The following SYN3 variants were observed in gnomAD, a reference collection of about 807,000 sequenced individuals.
SYN3 encodes the protein synapsin III, also known as synapsin-3.
SYN3 carries 35 observed loss-of-function variants against 65.8 expected under a neutral mutation model. The observed-to-expected ratio is 0.53, with a 90% CI of 0.41 to 0.70. The LOEUF (loss-of-function observed/expected upper bound fraction) is 0.70, where lower values mean the gene tolerates loss of function less well. SYN3 is among the 30% of genes least tolerant of loss of function. SYN3 has a pLI of 0.00. For missense variants in SYN3, 680 were observed against 749.0 expected, an observed-to-expected ratio of 0.91 and a Z score of 1.08; for synonymous variants, 270 against 292.9, an observed-to-expected ratio of 0.92 and a Z score of 0.80.
intron 1 of SYN3, among the ~76,000 whole-genome samples, chr22:33,037,767 T>C (rs1344983713): frequency 1.3e-5 from 2 of 152,146 alleles, no homozygotes; most frequent in Non-Finnish European, 1.5e-5. Flanking sequence ...TCTCCCCACA[T>C]TCCCACAGTG....
chr22:32,813,250 C>A (rs1191342279), intron 6 of SYN3, among the ~76,000 whole-genome samples: 3 of 152,068 alleles, frequency 2.0e-5, no homozygotes, highest in Non-Finnish European at 4.4e-5. Context: ...ATAAGACAAG[C>A]AATAAAACAG....
chr22:32,530,285 C>G (rs1312615136), intron 10 of SYN3: 1 of 152,250 alleles, frequency 6.6e-6, no homozygotes, highest in African/African-American at 2.4e-5. Flanking sequence ...GTGCTACGCT[C>G]TATTCTAAGC....
chr22:32,954,281 G>C (rs1046720334), intron 3 of SYN3, among the ~76,000 whole-genome samples: 1 of 152,110 alleles, frequency 6.6e-6, no homozygotes, highest in Non-Finnish European at 1.5e-5. Flanking sequence ...GGAGAAAAAG[G>C]GGCCTTTAAG....
rs752568126 is a variant in SYN3, at chr22:32,533,946, C to T, written c.993-51G>A. ...GAAGTGGCCTGGGAAAGTGGGGAAG[C>T]GGGTAGAGGGAGAGAAGTGGATTCA... On this transcript the variant is annotated intron_variant, in intron 9 of 13. Transcript: ENST00000358763. 30 of 1,314,158 alleles carry T rather than the reference C, an allele frequency of 2.3e-5. 1 individual carries two copies. In the Middle Eastern group the frequency reaches 5.5e-4, roughly 24 times the overall value. 81.4% of individuals were successfully genotyped at this position (1,314,158 alleles called of 1,614,324 possible).
chr22:32,930,406 G>A (rs2050595599), intron 4 of SYN3, among the ~76,000 whole-genome samples: 1 of 152,134 alleles, frequency 6.6e-6, no homozygotes, highest in South Asian at 2.1e-4. Context: ...CCTCAGCCAC[G>A]TGGAACTGTG....
intron 1 of SYN3, among the ~76,000 whole-genome samples, chr22:33,044,570 A>G (rs1363569177): frequency 6.6e-6 from 1 of 151,768 alleles, no homozygotes; most frequent in Non-Finnish European, 1.5e-5. Context: ...GCCATTCTCT[A>G]ACCTTATTCC....
chr22:33,022,947 A>C (rs1389087942), intron 1 of SYN3, among the ~76,000 whole-genome samples: 1 of 152,242 alleles, frequency 6.6e-6, no homozygotes, highest in Admixed American at 6.5e-5. Context: ...CAGAATTTAT[A>C]GAGCCCTACA....
intron 7 of SYN3, among the ~76,000 whole-genome samples, chr22:32,581,792 C>CTTTTTTTTTTTTTTTTTTTTTTTTTTTT (rs10716395): frequency 2.4e-5 from 2 of 84,320 alleles, no homozygotes; most frequent in Admixed American, 1.7e-4. Context: ...TTCTTTCTTT[C>CTTTTTTTTTTTTTTTTTTTTTTTTTTTT]TTTTTTTTTT....
chr22:32,939,272 A>G (rs573974279), intron 3 of SYN3, among the ~76,000 whole-genome samples: 3 of 152,226 alleles, frequency 2.0e-5, no homozygotes, highest in African/African-American at 7.2e-5. Flanking sequence ...TACTGCTGAA[A>G]GGTTCTCACA....
chr22:32,914,382 G>A (rs1236589466), intron 4 of SYN3, among the ~76,000 whole-genome samples: 3 of 151,886 alleles, frequency 2.0e-5, no homozygotes, highest in African/African-American at 7.3e-5. Context: ...TGGCTACTCT[G>A]TGACTCAGTT....
intron 6 of SYN3, among the ~76,000 whole-genome samples, chr22:32,807,382 T>C: frequency 9.3e-6 from 1 of 107,532 alleles, no homozygotes; most frequent in East Asian, 2.5e-4. Flanking sequence ...ATATATAATA[T>C]ATATTATATA....
chr22:32,956,720 G>A lies in SYN3; in HGVS notation c.369+23925C>T, dbSNP rs191647466. ...GTTGTTTCCACCTTTTGGCTATTGC[G>A]AACCATGCTGCTGTGAACATGGGTG... is the stretch of plus-strand genomic sequence containing the variant. On this transcript the variant is annotated intron_variant, in intron 3 of 13. Coordinates refer to ENST00000358763, the MANE Select transcript of SYN3 (RefSeq NM_003490.4). 1.9e-3 allele frequency among the ~76,000 whole-genome samples: 282 copies of A among 152,202 alleles called. 3 individuals are homozygous for A. The highest frequency in any genetic ancestry group is 4.3e-3 in the East Asian group (22 of 5,176).
chr22:32,956,819 C>CAGTA (rs766268905), intron 3 of SYN3, among the ~76,000 whole-genome samples: 2 of 152,124 alleles, frequency 1.3e-5, no homozygotes, highest in East Asian at 3.9e-4. Context: ...CTGGATTGTA[C>CAGTA]AGTAATTCTA....
intron 3 of SYN3, among the ~76,000 whole-genome samples, chr22:32,966,249 A>G (rs1261023491): frequency 6.6e-6 from 1 of 152,196 alleles, no homozygotes; most frequent in Admixed American, 6.5e-5. Flanking sequence ...CAGAGGAAGC[A>G]GCACAGACAT....
chr22:32,613,377 C>T (rs1469691530), intron 6 of SYN3, among the ~76,000 whole-genome samples: 1 of 152,128 alleles, frequency 6.6e-6, no homozygotes, highest in Non-Finnish European at 1.5e-5. Flanking sequence ...AGCCCTCCCT[C>T]CTCCTTGCAA....
intron 9 of SYN3, 142 bp downstream of exon 9, chr22:32,537,894 A>G (rs1002831104): frequency 1.1e-5 from 7 of 654,926 alleles, no homozygotes; most frequent in Admixed American, 2.5e-5. Flanking sequence ...AGTGAAGATG[A>G]TCATGTCTAA....
intron 2 of SYN3, among the ~76,000 whole-genome samples, chr22:32,984,143 C>T (rs1294967302): frequency 7.7e-5 from 5 of 65,256 alleles, no homozygotes; most frequent in Admixed American, 2.4e-4. Flanking sequence ...ACCTGGGCGA[C>T]AAGAATGAAA....
At chr22:33,010,596 G>T (rs778945138) in intron 1 of SYN3, among the ~76,000 whole-genome samples, 1 of 152,178 alleles carries the variant, frequency 6.6e-6, no homozygotes, top group Non-Finnish European at 1.5e-5. Flanking sequence ...ATCAGGTAAA[G>T]TGAGTCCTCC....
intron 4 of SYN3, among the ~76,000 whole-genome samples, chr22:32,879,522 G>A (rs998257901): frequency 1.3e-5 from 2 of 152,140 alleles, no homozygotes; most frequent in South Asian, 2.1e-4. Context: ...TCACATAGTC[G>A]AAGGGGGAAG....
Sources: allele counts gnomAD v4.1 joint callset (sites outside exome capture counted in the v4.1 genomes callset), GRCh38; gene constraint gnomAD v4.1.1; transcripts MANE v1.5; gene names NCBI Gene and HGNC (gene_info 2026-07-23, HGNC 2026-07-21).